PRKG1: variants seen among roughly 807,000 people sequenced by gnomAD.
PRKG1 encodes the protein cGMP-dependent protein kinase 1.
A neutral mutation model predicts 88.1 loss-of-function variants in PRKG1; 35 were observed. That is an observed-to-expected ratio of 0.40 (90% confidence interval 0.30 to 0.53). PRKG1 has a LOEUF of 0.53. Among genes scored for constraint, PRKG1 ranks in the 20% least tolerant of loss-of-function variants. The pLI is 0.59. For missense variants in PRKG1, 540 were observed against 839.8 expected (o/e 0.64, Z 4.41); for synonymous variants, 303 against 292.5 (o/e 1.04, Z -0.37).
chr10:51,670,519 G>A (rs1267096257), intron 3 of PRKG1, among the ~76,000 whole-genome samples: 9 of 150,420 alleles, frequency 6.0e-5, no homozygotes, highest in East Asian at 5.8e-4. Flanking sequence ...GGCAGATCAC[G>A]AGGTCAGGAG....
chr10:51,020,613 T>C (rs1843123206), intron 1 of PRKG1, among the ~76,000 whole-genome samples: 1 of 152,204 alleles, frequency 6.6e-6, no homozygotes, highest in Non-Finnish European at 1.5e-5. Flanking sequence ...GAACTCATAT[T>C]GTATTCTCAA....
chr10:51,736,292 A>C (rs376627717), intron 3 of PRKG1, among the ~76,000 whole-genome samples: 3 of 151,988 alleles, frequency 2.0e-5, no homozygotes, highest in South Asian at 4.2e-4. Flanking sequence ...TATTATTTTT[A>C]AGTAATAGAG....
intron 2 of PRKG1, among the ~76,000 whole-genome samples, chr10:51,305,324 T>C (rs1423303473): frequency 6.6e-6 from 1 of 152,178 alleles, no homozygotes; most frequent in Non-Finnish European, 1.5e-5. Flanking sequence ...GCTTTATACA[T>C]TTTCAGAAAT....
chr10:51,663,702 CAAAA>C (rs56804341), intron 3 of PRKG1, among the ~76,000 whole-genome samples: 3 of 72,722 alleles, frequency 4.1e-5, no homozygotes, highest in Non-Finnish European at 8.3e-5. Flanking sequence ...GACCCTGTCT[CAAAA>C]AAAAAAAAAA....
intron 10 of PRKG1, among the ~76,000 whole-genome samples, chr10:52,271,039 G>A (rs1354122765): frequency 1.3e-5 from 2 of 151,916 alleles, no homozygotes; most frequent in East Asian, 3.9e-4. Context: ...ACTATAAAAT[G>A]TATTCAAACA....
At chr10:51,414,873 CTT>C (rs1355883303) in intron 2 of PRKG1, among the ~76,000 whole-genome samples, 2 of 152,096 alleles carry the variant, frequency 1.3e-5, no homozygotes, top group Non-Finnish European at 2.9e-5. Context: ...AGCTGAAAAA[CTT>C]TAACTATAAA....
chr10:50,992,475 A>T (rs1771755213), intron 1 of PRKG1, among the ~76,000 whole-genome samples: 2 of 152,156 alleles, frequency 1.3e-5, no homozygotes, highest in African/African-American at 4.8e-5. Context: ...CCCAAGGTGG[A>T]TAGTGCGCCC....
At chr10:52,272,866 T>G (rs1257934956) in intron 12 of PRKG1, among the ~76,000 whole-genome samples, 2 of 152,098 alleles carry the variant, frequency 1.3e-5, no homozygotes, top group Non-Finnish European at 2.9e-5. Flanking sequence ...TGCTCTACTC[T>G]TTTTCCAGAT....
intron 1 of PRKG1, among the ~76,000 whole-genome samples, chr10:51,046,600 G>T (rs148616320): frequency 6.8e-4 from 103 of 152,292 alleles, no homozygotes; most frequent in African/African-American, 2.3e-3. Flanking sequence ...CTTTTGCAGA[G>T]AGACGACAGG....
At chr10:51,176,957 T>C (rs1837211003) in intron 2 of PRKG1, among the ~76,000 whole-genome samples, 1 of 151,564 alleles carries the variant, frequency 6.6e-6, no homozygotes, top group Non-Finnish European at 1.5e-5. Context: ...TCGTGGTAAA[T>C]GTGGCATCAA....
chr10:51,642,711 G>C (rs1011313017), intron 3 of PRKG1, among the ~76,000 whole-genome samples: 1 of 152,104 alleles, frequency 6.6e-6, no homozygotes, highest in African/African-American at 2.4e-5. Context: ...GGACCCAACT[G>C]TTTATATTTC....
At chr10:51,053,890 G>GTGAAATGAAGTTATTT (rs1371735182) in intron 1 of PRKG1, among the ~76,000 whole-genome samples, 3 of 151,600 alleles carry the variant, frequency 2.0e-5, no homozygotes, top group Non-Finnish European at 2.9e-5. Flanking sequence ...CAACCTCTTG[G>GTGAAATGAAGTTATTT]TGAAATGAAG....
chr10:51,071,012 C>G (rs1347623049), upstream of PRKG1, among the ~76,000 whole-genome samples: 1 of 152,224 alleles, frequency 6.6e-6, no homozygotes, highest in African/African-American at 2.4e-5. Context: ...CTCCTCTACT[C>G]TATCCCTGAA....
intron 2 of PRKG1, among the ~76,000 whole-genome samples, chr10:51,457,678 G>A (rs905847705): frequency 1.3e-5 from 2 of 152,206 alleles, no homozygotes; most frequent in African/African-American, 2.4e-5. Flanking sequence ...GTTGTAGCAC[G>A]TATCAGCAGG....
At chr10:51,717,197 G>A (rs74632204) in intron 3 of PRKG1, among the ~76,000 whole-genome samples, 2,752 of 152,244 alleles carry the variant, frequency 0.018, 40 homozygotes, top group South Asian at 0.037. Context: ...GAAGCAGATG[G>A]AAGACAAATA....
chr10:51,520,415 T>C (rs924127863), intron 3 of PRKG1, among the ~76,000 whole-genome samples: 1 of 151,476 alleles, frequency 6.6e-6, no homozygotes, highest in Admixed American at 6.6e-5. Flanking sequence ...ATATAAAGTA[T>C]AAATTAATCT....
intron 2 of PRKG1, among the ~76,000 whole-genome samples, chr10:51,285,143 G>A (rs1013705164): frequency 1.4e-5 from 2 of 146,600 alleles, no homozygotes; most frequent in East Asian, 4.0e-4. Flanking sequence ...AGAATATGCG[G>A]TGTTTGGTTT....
chr10:51,018,067 G>A (rs1046743736), intron 1 of PRKG1, among the ~76,000 whole-genome samples: 7 of 152,000 alleles, frequency 4.6e-5, no homozygotes, highest in Non-Finnish European at 7.4e-5. Context: ...AGCAATCTAC[G>A]CATCTTGGCC....
At chr10:51,898,269 C>G (rs988392970) in intron 4 of PRKG1, among the ~76,000 whole-genome samples, 1 of 152,118 alleles carries the variant, frequency 6.6e-6, no homozygotes. Context: ...GTAATAACTG[C>G]TACCCTGTTC....
Sources: allele counts gnomAD v4.1 joint callset (sites outside exome capture counted in the v4.1 genomes callset), GRCh38; gene constraint gnomAD v4.1.1; transcripts MANE v1.5; gene names NCBI Gene and HGNC (gene_info 2026-07-23, HGNC 2026-07-21).